SMPD3: variants seen among roughly 807,000 people sequenced by gnomAD.
The protein encoded by SMPD3 is sphingomyelin phosphodiesterase 3.
In SMPD3, 21 loss-of-function variants were observed where a neutral mutation model predicts 55.7. The observed-to-expected ratio is 0.38, with a 90% CI of 0.27 to 0.54. SMPD3 has a LOEUF of 0.54. Ranked by LOEUF, SMPD3 falls within the 20% of genes least tolerant of loss-of-function variation. The probability of loss-of-function intolerance (pLI) is 0.80; values close to 1 mark genes in which losing one functional copy is unlikely to be tolerated. For synonymous variants in SMPD3, 457 were observed against 404.3 expected, an observed-to-expected ratio of 1.13 and a Z score of -1.56; for missense variants, 842 against 899.6, an observed-to-expected ratio of 0.94 and a Z score of 0.82.
At chr16:68,436,673 T>C (rs991592713) in intron 1 of SMPD3, among the ~76,000 whole-genome samples, 1 of 152,212 alleles carries the variant, frequency 6.6e-6, no homozygotes, top group African/African-American at 2.4e-5. Flanking sequence ...TTTAAAATTA[T>C]ATTCTTCTGA....
chr16:68,422,741 G>A (rs1049608699), intron 1 of SMPD3, among the ~76,000 whole-genome samples: 3 of 152,192 alleles, frequency 2.0e-5, no homozygotes, highest in African/African-American at 4.8e-5. Context: ...AATAGTGGGC[G>A]AGTTTCTGCC....
At chr16:68,398,229 C>T (rs1264086354) in intron 1 of SMPD3, among the ~76,000 whole-genome samples, 1 of 151,992 alleles carries the variant, frequency 6.6e-6, no homozygotes, top group East Asian at 1.9e-4. Context: ...GAAAGAAGAG[C>T]CAAAAAGAGC....
At chr16:68,406,118 C>T (rs189697740) in intron 1 of SMPD3, among the ~76,000 whole-genome samples, 27 of 151,478 alleles carry the variant, frequency 1.8e-4, no homozygotes, top group African/African-American at 6.6e-4. Flanking sequence ...CAGTCTTTCC[C>T]GTGGGGCTGT....
intron 1 of SMPD3, among the ~76,000 whole-genome samples, chr16:68,438,356 C>T (rs2090540350): frequency 6.6e-6 from 1 of 152,152 alleles, no homozygotes; most frequent in African/African-American, 2.4e-5. Context: ...TATTTGAAAA[C>T]CAAATAGTAC....
chr16:68,389,604 T>G (rs2090093625), intron 1 of SMPD3, among the ~76,000 whole-genome samples: 1 of 152,208 alleles, frequency 6.6e-6, no homozygotes, highest in South Asian at 2.1e-4. Context: ...ATGGTGATAC[T>G]GGGGCCAGGT....
chr16:68,361,443 G>A (rs568286939), intron 8 of SMPD3, 136 bp from the exon 9 acceptor site: 132 of 1,362,810 alleles, frequency 9.7e-5, no homozygotes, highest in Non-Finnish European at 1.3e-4. Flanking sequence ...GAGGGATGGG[G>A]CCTGGAGGAC....
intron 1 of SMPD3, among the ~76,000 whole-genome samples, chr16:68,401,534 G>A (rs962037446): frequency 3.3e-5 from 5 of 152,002 alleles, no homozygotes; most frequent in South Asian, 4.1e-4. Context: ...TGTCTTTGGA[G>A]CATGCTTTAG....
Position 68,447,482 on chromosome 16 carries a change from C to A in SMPD3, c.-269+871G>T, listed in dbSNP as rs1481882892. The stretch of plus-strand genomic sequence containing the variant: ...CAGGCCTGGATCCAGGTAGGGAGGG[C>A]CTGGGAGATAAGGCCCAGGTGGGGA... On this transcript the variant is annotated intron_variant, in intron 1 of 8. Coordinates refer to ENST00000219334, the MANE Select transcript of SMPD3 (RefSeq NM_018667.4). The surrounding 1 kb of genome is among the most constrained non-coding windows in gnomAD (Gnocchi z 5.1). Among the ~76,000 whole-genome samples the A allele has an allele frequency of 6.6e-6, 1 of 152,140 alleles. No homozygotes were observed. Among genetic ancestry groups the A allele is most frequent in the African/African-American group, 2.4e-5 (1 of 41,432 alleles).
In SMPD3 at chr16:68,360,454, G is replaced by A. The variant is rs959301523; in HGVS notation, c.*752C>T. On this transcript the variant is annotated 3_prime_UTR_variant, in exon 9 of 9. Coordinates refer to ENST00000219334, the MANE Select transcript of SMPD3 (RefSeq NM_018667.4). ...AGGGTGCCAGAGCCTGCCAGACTCT[G>A]TTGTGCCTGAGCTGGGGAAGGGACC... is the stretch of plus-strand genomic sequence containing the variant. 6.6e-6 allele frequency: 1 copy of A among 152,460 alleles called. No homozygotes were observed. Among genetic ancestry groups the A allele is most frequent in the African/African-American group, 2.4e-5 (1 of 41,460 alleles). The allele number at this position is 152,460 out of a possible 1,614,324, so 9.4% of individuals were successfully genotyped here.
Position 68,364,778 on chromosome 16 carries a change from C to T in SMPD3, c.1528G>A (p.Asp510Asn). ...ELVAFDVVCGDFNFDNCSSDD... is the reference protein window; with the variant it reads ...ELVAFDVVCGNFNFDNCSSDD... ...GAGGAGCAGTTATCAAAGTTGAAAT[C>T]TCCACAGACGACGTCAAATGCCACC... is the stretch of plus-strand genomic sequence containing the variant. Residue 510 changes from aspartate (D) to asparagine (N), a missense_variant, in exon 5 of 9, where the codon GAT (aspartate) becomes AAT (asparagine). By Grantham distance (23) the Asp-to-Asn change is conservative. This residue lies in a region of SMPD3 where 649 missense variants were observed against 643.6 expected (regional missense o/e 1.01). Transcript: ENST00000219334. 3 of 1,613,834 alleles carry T rather than the reference C, an allele frequency of 1.9e-6. No homozygotes were observed. The highest frequency in any genetic ancestry group is 2.5e-6 in the Non-Finnish European group (3 of 1,179,978).
intron 2 of SMPD3, among the ~76,000 whole-genome samples, chr16:68,376,276 G>A (rs1413690080): frequency 6.6e-6 from 1 of 152,182 alleles, no homozygotes; most frequent in African/African-American, 2.4e-5. Flanking sequence ...CTGCTGCGTG[G>A]TGGTGCTCAG....
rs1313245952 is a variant in SMPD3, at chr16:68,371,125, A to AGAAGGCGGAGACCTCATGGTC, written c.1036_1056dup (p.Asp346_Phe352dup). ...CACAGGAAGTCCAGGTTGGCGGGGAAGAAGGCGGAGACCTCATGGTCGAAG... is the reference window on the plus strand; with the variant it reads ...CACAGGAAGTCCAGGTTGGCGGGGAAGAAGGCGGAGACCTCATGGTCGAAGGCGGAGACCTCATGGTCGAAG... On this transcript the variant is annotated inframe_insertion, in exon 3 of 9. Coordinates refer to ENST00000219334, the MANE Select transcript of SMPD3 (RefSeq NM_018667.4). 1 of 1,613,874 alleles carries AGAAGGCGGAGACCTCATGGTC rather than the reference A, an allele frequency of 6.2e-7. No homozygotes were observed. Among genetic ancestry groups the AGAAGGCGGAGACCTCATGGTC allele is most frequent in the Non-Finnish European group, 8.5e-7 (1 of 1,180,032 alleles).
Position 68,370,889 on chromosome 16 carries a change from G to A in SMPD3, c.1293C>T (p.Ala431=). 4 of 1,613,934 alleles carry A rather than the reference G, an allele frequency of 2.5e-6. No homozygotes were observed. The highest frequency in any genetic ancestry group is 2.5e-6 in the Non-Finnish European group (3 of 1,179,938). ...HCYPNKCNDD[A]LASKGALFLK... The stretch of plus-strand genomic sequence containing the variant: ...GAAACAGAGCTCCCTTAGAGGCCAG[G>A]GCATCGTCGTTACACTTGTTGGGGT... The change falls in exon 3 of 9, where the codon GCC becomes GCT. Residue 431 remains alanine (A), a synonymous_variant. Coordinates refer to ENST00000219334, the MANE Select transcript of SMPD3 (RefSeq NM_018667.4).
chr16:68,440,668 T>C (rs577158001), intron 1 of SMPD3, among the ~76,000 whole-genome samples: 116 of 152,360 alleles, frequency 7.6e-4, no homozygotes, highest in Non-Finnish European at 1.3e-3. Context: ...TGGTACTATC[T>C]CCATTTTACA....
intron 1 of SMPD3, among the ~76,000 whole-genome samples, chr16:68,401,081 C>T (rs1430891465): frequency 6.6e-6 from 1 of 152,186 alleles, no homozygotes; most frequent in East Asian, 1.9e-4. Context: ...GATAGTGAAA[C>T]AGAAGTACAG....
rs879626766 is a variant in SMPD3 at position 68,359,747 on chromosome 16, C to G, written c.*1459G>C. 6.6e-5 allele frequency: 10 copies of G among 152,524 alleles called. No individual in the cohort carries two copies. The highest frequency in any genetic ancestry group is 5.9e-4 in the Admixed American group (9 of 15,284). 9.4% of individuals were successfully genotyped at this position (152,524 alleles called of 1,614,324 possible). A position where few individuals can be genotyped will look rare whatever the true frequency, so the allele number is the denominator to read the frequency against. On this transcript the variant is annotated 3_prime_UTR_variant, in exon 9 of 9. Transcript: ENST00000219334. Reference sequence around the variant, plus strand: ...TCAGCGGGGATTGTCAAAAACAGTCCCTCAAGTTGAGTCTCGAACTTTGAA... The same window carrying G: ...TCAGCGGGGATTGTCAAAAACAGTCGCTCAAGTTGAGTCTCGAACTTTGAA...
intron 2 of SMPD3, among the ~76,000 whole-genome samples, chr16:68,385,955 G>A (rs1336001459): frequency 1.3e-5 from 2 of 152,222 alleles, no homozygotes; most frequent in Admixed American, 6.5e-5. Flanking sequence ...GGGCACAGTG[G>A]CTTGTGCCTG....
At chr16:68,414,498 G>A (rs977575198) in intron 1 of SMPD3, among the ~76,000 whole-genome samples, 10 of 152,212 alleles carry the variant, frequency 6.6e-5, no homozygotes, top group Non-Finnish European at 8.8e-5. Context: ...GGGAGATGGA[G>A]TCAGTCCTAA....
chr16:68,373,400 C>T (rs1214747916), intron 2 of SMPD3, among the ~76,000 whole-genome samples: 1 of 152,252 alleles, frequency 6.6e-6, no homozygotes, highest in Non-Finnish European at 1.5e-5. Context: ...CACGTGTGAT[C>T]ACCCCGTCGG....
Sources: allele counts gnomAD v4.1 joint callset (sites outside exome capture counted in the v4.1 genomes callset), GRCh38; gene constraint gnomAD v4.1.1; regional missense constraint gnomAD v4.1.1; non-coding constraint Gnocchi (gnomAD v3.1); transcripts MANE v1.5; gene names NCBI Gene and HGNC (gene_info 2026-07-23, HGNC 2026-07-21).